The following RCSD1 variants were observed in gnomAD, a reference collection of about 807,000 sequenced individuals.
RCSD1 encodes the protein RCSD domain containing 1, also known as capZ-interacting protein.
A neutral mutation model predicts 42.5 loss-of-function variants in RCSD1; 26 were observed. The observed-to-expected ratio is 0.61, with a 90% CI of 0.45 to 0.85. The LOEUF (loss-of-function observed/expected upper bound fraction) is 0.85. RCSD1 is among the 40% of genes least tolerant of loss of function. The pLI, the probability that RCSD1 is intolerant of heterozygous loss-of-function variation, is 0.00. For synonymous variants in RCSD1, 220 were observed against 212.2 expected, an observed-to-expected ratio of 1.04 and a Z score of -0.32; for missense variants, 571 against 528.3, an observed-to-expected ratio of 1.08 and a Z score of -0.79.
rs918780660 is a variant in RCSD1, at chr1:167,654,872, T to C, written c.6+24443T>C. The stretch of plus-strand genomic sequence containing the variant: ...ATATAGAAGACAGGACTAGGCTTAG[T>C]GACCTACTGGATGTGAGAAGGCAGG... On this transcript the variant is annotated intron_variant, in intron 1 of 6. Transcript: ENST00000367854. 2.0e-5 allele frequency among the ~76,000 whole-genome samples: 3 copies of C among 152,100 alleles called. No individual in the cohort carries two copies. The East Asian group carries it at 5.8e-4, about 29-fold the overall frequency.
At chr1:167,686,681 A>G (rs1460286837) in intron 3 of RCSD1, among the ~76,000 whole-genome samples, 4 of 152,224 alleles carry the variant, frequency 2.6e-5, no homozygotes, top group Middle Eastern at 3.2e-3. Context: ...TGCCAACAAT[A>G]TGATTCTGTG....
rs183868377 is a variant in RCSD1 at position 167,675,018 on chromosome 1, A to G, written c.7-8882A>G. 5.4e-4 allele frequency among the ~76,000 whole-genome samples: 82 copies of G among 152,160 alleles called. No homozygotes were observed. In the East Asian group the frequency reaches 6.8e-3, roughly 13 times the overall value. ...TCAGGAGATCAAGACCATCCTGGCT[A>G]ACACAGTGAAACCCCATCTCTACTA... On this transcript the variant is annotated intron_variant, in intron 1 of 6. Transcript: ENST00000367854.
At chr1:167,666,426 T>C (rs1658658128) in intron 1 of RCSD1, among the ~76,000 whole-genome samples, 2 of 152,132 alleles carry the variant, frequency 1.3e-5, no homozygotes, top group African/African-American at 2.4e-5. Flanking sequence ...GAAAAATACA[T>C]TATGAAAGCC....
intron 1 of RCSD1, among the ~76,000 whole-genome samples, chr1:167,670,178 T>G (rs947941635): frequency 5.9e-5 from 9 of 152,098 alleles, no homozygotes; most frequent in African/African-American, 2.2e-4. Context: ...GAAGTCAATT[T>G]TATTATTGAA....
intron 1 of RCSD1, among the ~76,000 whole-genome samples, chr1:167,633,018 G>T (rs1055236262): frequency 6.6e-6 from 1 of 152,198 alleles, no homozygotes; most frequent in Non-Finnish European, 1.5e-5. Flanking sequence ...TATCTGGAAA[G>T]AAATTAAGTT....
chr1:167,630,478 C>T (rs762228665), intron 1 of RCSD1, 49 bp downstream of exon 1: 4 of 1,501,364 alleles, frequency 2.7e-6, no homozygotes, highest in East Asian at 5.3e-5. Flanking sequence ...AGCGGTGTAT[C>T]GGGCGCCCCT....
At chr1:167,704,501 T>TAA (rs34762939) in intron 6 of RCSD1, among the ~76,000 whole-genome samples, 163 bp from the exon 7 acceptor site, 1 of 151,932 alleles carries the variant, frequency 6.6e-6, no homozygotes, top group Admixed American at 6.6e-5. Flanking sequence ...AGTCAATGCA[T>TAA]AAAAAAAACT....
chr1:167,683,778 G>T, intron 1 of RCSD1, 122 bp from the exon 2 acceptor site: 2 of 894,886 alleles, frequency 2.2e-6, no homozygotes, highest in Non-Finnish European at 3.6e-6. Context: ...GGAGCCAGTT[G>T]GATAATGCTG....
At chr1:167,651,413 C>G (rs902361966) in intron 1 of RCSD1, among the ~76,000 whole-genome samples, 4 of 152,224 alleles carry the variant, frequency 2.6e-5, no homozygotes, top group African/African-American at 9.6e-5. Flanking sequence ...CCCTGGGCCA[C>G]ATCCTAGAAA....
intron 4 of RCSD1, among the ~76,000 whole-genome samples, chr1:167,690,459 A>G (rs1659348164): frequency 6.6e-6 from 1 of 152,156 alleles, no homozygotes; most frequent in African/African-American, 2.4e-5. Flanking sequence ...GGATCACGTG[A>G]GCCCAGGAGT....
At chr1:167,678,062 G>A (rs1475357434) in intron 1 of RCSD1, among the ~76,000 whole-genome samples, 1 of 152,072 alleles carries the variant, frequency 6.6e-6, no homozygotes, top group Non-Finnish European at 1.5e-5. Flanking sequence ...TGCCCTCCAG[G>A]CTCCCACTGG....
intron 3 of RCSD1, 152 bp downstream of exon 3, chr1:167,685,662 A>C: frequency 1.6e-6 from 1 of 619,644 alleles, no homozygotes; most frequent in Non-Finnish European, 2.8e-6. Context: ...CTCCTCTTAA[A>C]TGTTTCCTGA....
chr1:167,683,035 C>A (rs7511792), intron 1 of RCSD1, among the ~76,000 whole-genome samples: 43,788 of 152,082 alleles, frequency 0.29, 8,512 homozygotes, highest in African/African-American at 0.54. Flanking sequence ...CTCTGTGTGT[C>A]TTGGTGACAA....
chr1:167,702,272 C>T lies in RCSD1; in HGVS notation c.1219-2392C>T, dbSNP rs138874426. Among the ~76,000 whole-genome samples, 104 of 152,292 alleles carry T rather than the reference C, an allele frequency of 6.8e-4. No individual in the cohort carries two copies. The East Asian group carries it at 8.1e-3, about 12-fold the overall frequency. On this transcript the variant is annotated intron_variant, in intron 6 of 6. Coordinates refer to ENST00000367854, the MANE Select transcript of RCSD1 (RefSeq NM_052862.4). ...CCATAAGTGCGCCAAAGGCATCAGA[C>T]GTGTGAAAGCACTATAAAGGGTCAC...
chr1:167,668,153 G>C (rs910360828), intron 1 of RCSD1, among the ~76,000 whole-genome samples: 2 of 151,956 alleles, frequency 1.3e-5, no homozygotes, highest in Admixed American at 6.6e-5. Flanking sequence ...TTAGCTGAGT[G>C]TGGCACCTGT....
chr1:167,707,064 G>C lies in RCSD1; in HGVS notation c.*2368G>C, dbSNP rs1206315469. Among the ~76,000 whole-genome samples, 1 of 152,108 alleles carries C rather than the reference G, an allele frequency of 6.6e-6. No individual in the cohort carries two copies. The highest frequency in any genetic ancestry group is 2.4e-5 in the African/African-American group (1 of 41,426). On this transcript the variant is annotated 3_prime_UTR_variant, in exon 7 of 7. Transcript: ENST00000367854. ...TGTAGTCTAGCTTGAATTTCAAACT[G>C]TGTCCTTCCTTACTCCAGAGAGGGA... is the stretch of plus-strand genomic sequence containing the variant.
chr1:167,632,485 A>G (rs74119893), intron 1 of RCSD1, among the ~76,000 whole-genome samples: 299 of 152,252 alleles, frequency 2.0e-3, no homozygotes, highest in African/African-American at 6.9e-3. Context: ...AGGCCCTGAA[A>G]CTATCAGCTG....
At chr1:167,631,387 T>C (rs1357353233) in intron 1 of RCSD1, among the ~76,000 whole-genome samples, 11 of 152,366 alleles carry the variant, frequency 7.2e-5, no homozygotes, top group Admixed American at 5.2e-4. Context: ...AAAGGAAACA[T>C]GTGTTGCTCA....
chr1:167,702,661 C>T (rs1455933548), intron 6 of RCSD1, among the ~76,000 whole-genome samples: 3 of 152,150 alleles, frequency 2.0e-5, no homozygotes, highest in Non-Finnish European at 4.4e-5. Flanking sequence ...TGCCTGTAAT[C>T]CCAGCTATGC....
Sources: gnomAD v4.1 joint callset for allele counts (sites outside exome capture counted in the v4.1 genomes callset) on GRCh38, gnomAD v4.1.1 for gene constraint, MANE v1.5 for transcripts, NCBI Gene and HGNC (gene_info 2026-07-23, HGNC 2026-07-21) for gene names.